The following DACH2 variants were observed in gnomAD, a reference collection of about 807,000 sequenced individuals.
DACH2 encodes the protein dachshund family transcription factor 2.
Under a neutral mutation model 35.8 loss-of-function variants are expected in DACH2, and 17 were observed. The observed-to-expected ratio is 0.48, with a 90% CI of 0.33 to 0.71. The LOEUF (loss-of-function observed/expected upper bound fraction) is 0.71, where lower values mean the gene tolerates loss of function less well. Ranked by LOEUF, DACH2 falls within the 30% of genes least tolerant of loss-of-function variation. The pLI is 0.02. For missense variants in DACH2, 469 were observed against 472.7 expected (o/e 0.99, Z 0.07); for synonymous variants, 195 against 177.3 (o/e 1.10, Z -0.79).
intron 2 of DACH2, among the ~76,000 whole-genome samples, chrX:86,494,321 T>C (rs1450620480): frequency 1.8e-5 from 2 of 112,104 alleles, no homozygotes; most frequent in Admixed American, 1.9e-4. Flanking sequence ...GAAGTTTTCC[T>C]TTCTGGGTCA....
At position 86,409,682 on chromosome X, in the gene DACH2, A is replaced by G. The variant is rs1339545685; in HGVS notation, c.527+32820A>G. Among the ~76,000 whole-genome samples, 17 of 111,906 alleles carry G rather than the reference A, an allele frequency of 1.5e-4. No individual in the cohort carries two copies. The Admixed American group carries it at 1.6e-3, about 11-fold the overall frequency. The stretch of plus-strand genomic sequence containing the variant: ...TGTATACCCTATAGAACCGTGAACC[A>G]ATCAAACCTTTTTCGTTTATAAATT... On this transcript the variant is annotated intron_variant, in intron 2 of 11. Coordinates refer to ENST00000373125, the MANE Select transcript of DACH2 (RefSeq NM_053281.3).
intron 2 of DACH2, among the ~76,000 whole-genome samples, chrX:86,412,373 C>T (rs1299978109): frequency 9.0e-6 from 1 of 111,620 alleles, no homozygotes; most frequent in Non-Finnish European, 1.9e-5. Context: ...AAAACAGTAA[C>T]ATATATTGGA....
At chrX:86,199,880 G>A (rs757352219) in intron 1 of DACH2, among the ~76,000 whole-genome samples, 1 of 111,923 alleles carries the variant, frequency 8.9e-6, no homozygotes, top group Non-Finnish European at 1.9e-5. Flanking sequence ...TCAAAGCAAT[G>A]TATAGATTCA....
intron 2 of DACH2, among the ~76,000 whole-genome samples, chrX:86,432,588 A>G (rs185434387): frequency 1.8e-5 from 2 of 111,999 alleles, no homozygotes; most frequent in East Asian, 5.6e-4. Flanking sequence ...TGATTAACAG[A>G]AATTTTGGTT....
At chrX:86,673,201 G>C (rs925147782) in intron 4 of DACH2, among the ~76,000 whole-genome samples, 13 of 110,087 alleles carry the variant, frequency 1.2e-4, no homozygotes, top group African/African-American at 4.0e-4. Flanking sequence ...GCCAGGTGTG[G>C]TGGTGGGCGT....
chrX:86,269,686 A>G (rs1301744707), intron 1 of DACH2, among the ~76,000 whole-genome samples: 2 of 111,418 alleles, frequency 1.8e-5, no homozygotes, highest in Non-Finnish European at 3.8e-5. Context: ...GACTAGGTAC[A>G]TTATTTACCA....
At chrX:86,286,407 G>T in intron 1 of DACH2, among the ~76,000 whole-genome samples, 1 of 111,029 alleles carries the variant, frequency 9.0e-6, no homozygotes, top group Middle Eastern at 4.6e-3. Flanking sequence ...TGGGATTACA[G>T]GAGCCAGTCT....
chrX:86,650,074 C>G (rs1201842390), intron 3 of DACH2, among the ~76,000 whole-genome samples: 3 of 110,498 alleles, frequency 2.7e-5, no homozygotes, highest in African/African-American at 9.9e-5. Flanking sequence ...TGTTCTGGTA[C>G]TTTTAGTACT....
intron 2 of DACH2, among the ~76,000 whole-genome samples, chrX:86,453,075 C>T (rs143909403): frequency 1.9e-3 from 207 of 111,487 alleles, no homozygotes; most frequent in African/African-American, 6.5e-3. Context: ...TCATTATTTA[C>T]CCCAGAGTCA....
At chrX:86,586,844 C>T (rs1309871699) in intron 3 of DACH2, among the ~76,000 whole-genome samples, 1 of 111,610 alleles carries the variant, frequency 9.0e-6, no homozygotes, top group East Asian at 2.8e-4. Flanking sequence ...AGTTTGAAGG[C>T]AGTTAAAGTG....
intron 3 of DACH2, among the ~76,000 whole-genome samples, chrX:86,555,758 T>G (rs1237185376): frequency 9.0e-6 from 1 of 111,565 alleles, no homozygotes; most frequent in South Asian, 3.7e-4. Context: ...ATAGGACATT[T>G]TTGTATGCAT....
intron 2 of DACH2, among the ~76,000 whole-genome samples, chrX:86,478,542 C>CTTTTTTTTTTTTTTTTTTTTTT (rs767463672): frequency 1.2e-5 from 1 of 86,942 alleles, no homozygotes; most frequent in Non-Finnish European, 2.3e-5. Flanking sequence ...TTTTGTTTTT[C>CTTTTTTTTTTTTTTTTTTTTTT]TTTTTTTTTT....
intron 5 of DACH2, among the ~76,000 whole-genome samples, chrX:86,698,514 GTTTTGTGTTTTTTTTTT>G (rs1319885861): frequency 5.8e-5 from 2 of 34,343 alleles, no homozygotes; most frequent in Non-Finnish European, 9.9e-5. Context: ...TGTTTTGTTA[GTTTTGTGTTTTTTTTTT>G]TTTTTTTTTT....
intron 2 of DACH2, among the ~76,000 whole-genome samples, chrX:86,478,260 A>G (rs1184828738): frequency 9.0e-6 from 1 of 111,452 alleles, no homozygotes; most frequent in Non-Finnish European, 1.9e-5. Flanking sequence ...TGATGAAAGT[A>G]CTCTTTTGCA....
chrX:86,229,259 C>T (rs947042760), intron 1 of DACH2, among the ~76,000 whole-genome samples: 1 of 111,335 alleles, frequency 9.0e-6, no homozygotes, highest in African/African-American at 3.3e-5. Context: ...TTTGCTTTGT[C>T]GAAGATCAGT....
intron 4 of DACH2, among the ~76,000 whole-genome samples, chrX:86,687,238 G>T (rs761540009): frequency 9.1e-6 from 1 of 110,434 alleles, no homozygotes; most frequent in South Asian, 3.8e-4. Context: ...TGTTTGTTTG[G>T]TTGGTGGGTT....
intron 2 of DACH2, among the ~76,000 whole-genome samples, chrX:86,446,837 A>G (rs1158605903): frequency 1.0e-4 from 9 of 89,066 alleles, no homozygotes; most frequent in African/African-American, 3.7e-4. Context: ...GTCAAATGGT[A>G]TTTCTAGTTC....
At chrX:86,819,288 T>C (rs1327999172) in intron 11 of DACH2, among the ~76,000 whole-genome samples, 2 of 110,454 alleles carry the variant, frequency 1.8e-5, no homozygotes, top group Non-Finnish European at 3.8e-5. Flanking sequence ...AGATGAAGGA[T>C]TTGGTGGAGC....
chrX:86,158,905 T>C (rs2030651122), intron 1 of DACH2, among the ~76,000 whole-genome samples: 1 of 111,461 alleles, frequency 9.0e-6, no homozygotes, highest in Non-Finnish European at 1.9e-5. Context: ...CAAGGTATTT[T>C]AGTTTTATGA....
Sources: allele counts gnomAD v4.1 joint callset (sites outside exome capture counted in the v4.1 genomes callset), GRCh38; gene constraint gnomAD v4.1.1; transcripts MANE v1.5; gene names NCBI Gene and HGNC (gene_info 2026-07-23, HGNC 2026-07-21).